The following GPR158 variants were observed in gnomAD, a reference collection of about 807,000 sequenced individuals.
GPR158 encodes metabotropic glycine receptor.
A neutral mutation model predicts 78.2 loss-of-function variants in GPR158; 30 were observed. That is an observed-to-expected ratio of 0.38 (90% confidence interval 0.29 to 0.52). The LOEUF (loss-of-function observed/expected upper bound fraction) is 0.52, where lower values mean the gene tolerates loss of function less well. Among genes scored for constraint, GPR158 ranks in the 20% least tolerant of loss-of-function variants. The pLI is 0.83. For synonymous variants in GPR158, 581 were observed against 591.1 expected, an observed-to-expected ratio of 0.98 and a Z score of 0.25; for missense variants, 1,463 against 1,523.5, an observed-to-expected ratio of 0.96 and a Z score of 0.66.
intron 2 of GPR158, among the ~76,000 whole-genome samples, chr10:25,377,886 A>ATAT (rs925044423): frequency 1.3e-5 from 2 of 152,044 alleles, no homozygotes; most frequent in Non-Finnish European, 2.9e-5. Context: ...TGTCTTGGGT[A>ATAT]TATATGTAGG....
At chr10:25,389,499 C>T (rs942893336) in intron 2 of GPR158, among the ~76,000 whole-genome samples, 1 of 152,180 alleles carries the variant, frequency 6.6e-6, no homozygotes, top group Non-Finnish European at 1.5e-5. Context: ...TTCCCCACTG[C>T]AGATCTCCTC....
intron 4 of GPR158, among the ~76,000 whole-genome samples, chr10:25,450,281 G>A (rs1293942034): frequency 6.6e-6 from 1 of 151,822 alleles, no homozygotes; most frequent in Non-Finnish European, 1.5e-5. Flanking sequence ...AGCCATGGGG[G>A]ACCCAAGGCT....
intron 2 of GPR158, among the ~76,000 whole-genome samples, chr10:25,388,251 A>G (rs1448395565): frequency 6.6e-6 from 1 of 152,240 alleles, no homozygotes; most frequent in East Asian, 1.9e-4. Context: ...TGCTGTCATT[A>G]TGCCAGCTGC....
chr10:25,556,739 GA>G (rs1182654651), intron 6 of GPR158, among the ~76,000 whole-genome samples: 4 of 152,152 alleles, frequency 2.6e-5, no homozygotes, highest in Non-Finnish European at 5.9e-5. Context: ...AGGTGATTTG[GA>G]AAATATCCAA....
rs536652993 is a variant in GPR158 at position 25,478,493 on chromosome 10, C to T, written c.1404+11774C>T. On this transcript the variant is annotated intron_variant, in intron 5 of 10. Transcript: ENST00000376351. Reference sequence around the variant, plus strand: ...ATAGAAATAGATGAAATATATAATGCGTGTGTGTGTGTGTGTGTGTGTGTG... The same window carrying T: ...ATAGAAATAGATGAAATATATAATGTGTGTGTGTGTGTGTGTGTGTGTGTG... Among the ~76,000 whole-genome samples the T allele has an allele frequency of 3.3e-3, 477 of 145,188 alleles. 1 individual carries two copies. Among genetic ancestry groups the T allele is most frequent in the African/African-American group, 9.7e-3 (390 of 40,034 alleles).
intron 2 of GPR158, among the ~76,000 whole-genome samples, chr10:25,269,868 A>G (rs1010918680): frequency 3.0e-4 from 46 of 152,306 alleles, no homozygotes; most frequent in African/African-American, 1.1e-3. Context: ...TACCCATGGT[A>G]CCACGCAGTT....
intron 7 of GPR158, among the ~76,000 whole-genome samples, chr10:25,574,272 A>G (rs1172562579): frequency 6.6e-6 from 1 of 151,966 alleles, no homozygotes; most frequent in Non-Finnish European, 1.5e-5. Context: ...ACCTTTAAAA[A>G]ATTTATTTTG....
intron 2 of GPR158, among the ~76,000 whole-genome samples, chr10:25,378,356 AATT>A (rs1834111638): frequency 6.6e-6 from 1 of 152,060 alleles, no homozygotes; most frequent in Non-Finnish European, 1.5e-5. Flanking sequence ...ATGCAAATGA[AATT>A]GCTTTCTAAT....
chr10:25,386,709 T>G (rs1338542243), intron 2 of GPR158, among the ~76,000 whole-genome samples: 1 of 152,132 alleles, frequency 6.6e-6, no homozygotes, highest in African/African-American at 2.4e-5. Flanking sequence ...ATATTTTCAT[T>G]TTATTCTTTT....
At chr10:25,539,150 G>A (rs1349307102) in intron 5 of GPR158, among the ~76,000 whole-genome samples, 2 of 152,146 alleles carry the variant, frequency 1.3e-5, no homozygotes, top group Non-Finnish European at 2.9e-5. Context: ...TGCATGGATG[G>A]AGATGAGAGG....
chr10:25,258,950 T>C (rs1853928904), intron 2 of GPR158, among the ~76,000 whole-genome samples: 1 of 152,128 alleles, frequency 6.6e-6, no homozygotes, highest in Non-Finnish European at 1.5e-5. Context: ...GAAAAGAAAA[T>C]GTTACTAGGC....
intron 2 of GPR158, among the ~76,000 whole-genome samples, chr10:25,294,237 T>C (rs574410673): frequency 6.6e-6 from 1 of 152,250 alleles, no homozygotes; most frequent in African/African-American, 2.4e-5. Flanking sequence ...AAATAAAACA[T>C]CTTTTTTTTT....
intron 2 of GPR158, among the ~76,000 whole-genome samples, chr10:25,299,423 C>T (rs1343148833): frequency 6.6e-6 from 1 of 152,216 alleles, no homozygotes; most frequent in South Asian, 2.1e-4. Flanking sequence ...TCATTAACTA[C>T]ATTTCCACCC....
chr10:25,215,151 AT>A (rs1853191213), intron 1 of GPR158, among the ~76,000 whole-genome samples: 3 of 152,336 alleles, frequency 2.0e-5, no homozygotes, highest in Non-Finnish European at 4.4e-5. Context: ...ACAAAATGTG[AT>A]GTGTATATAA....
intron 2 of GPR158, among the ~76,000 whole-genome samples, chr10:25,275,292 C>T (rs189557385): frequency 5.3e-5 from 8 of 152,264 alleles, no homozygotes; most frequent in Non-Finnish European, 7.4e-5. Flanking sequence ...TTGAAGTCCA[C>T]CCCAAACCTT....
At chr10:25,270,821 G>A (rs1314026360) in intron 2 of GPR158, among the ~76,000 whole-genome samples, 1 of 152,084 alleles carries the variant, frequency 6.6e-6, no homozygotes, top group Non-Finnish European at 1.5e-5. Context: ...TCTTTCTAAT[G>A]GATCTCTTTA....
Position 25,478,785 on chromosome 10 carries a change from C to T in GPR158, c.1404+12066C>T, listed in dbSNP as rs538793371. ...CATTAGGTATATCTCCTAATGCTAT[C>T]CCTCCTCCCTCCCCCCACCCCACGA... is the stretch of plus-strand genomic sequence containing the variant. On this transcript the variant is annotated intron_variant, in intron 5 of 10. Coordinates refer to ENST00000376351, the MANE Select transcript of GPR158 (RefSeq NM_020752.3). Among the ~76,000 whole-genome samples, 271 of 144,494 alleles carry T rather than the reference C, an allele frequency of 1.9e-3. 2 individuals are homozygous for T. The highest frequency in any genetic ancestry group is 0.01 in the Middle Eastern group (3 of 288). The allele number at this position is 144,494 out of a possible 152,430, so 94.8% of individuals were successfully genotyped here.
intron 4 of GPR158, among the ~76,000 whole-genome samples, chr10:25,434,042 C>T (rs1834962012): frequency 1.3e-5 from 2 of 151,862 alleles, no homozygotes; most frequent in East Asian, 1.9e-4. Context: ...ACCTGTAGTC[C>T]CAGTTACTCA....
At chr10:25,234,173 T>C (rs1415406163) in intron 2 of GPR158, among the ~76,000 whole-genome samples, 1 of 152,170 alleles carries the variant, frequency 6.6e-6, no homozygotes, top group East Asian at 1.9e-4. Flanking sequence ...TTTCTGACCT[T>C]AATTCCACTT....
Sources: allele counts gnomAD v4.1 joint callset (sites outside exome capture counted in the v4.1 genomes callset), GRCh38; gene constraint gnomAD v4.1.1; transcripts MANE v1.5; gene names NCBI Gene and HGNC (gene_info 2026-07-23, HGNC 2026-07-21).